Variants in GAS7 observed in about 807,000 individuals in gnomAD.
The protein encoded by GAS7 is growth arrest-specific protein 7.
GAS7 carries 28 observed loss-of-function variants against 71.1 expected under a neutral mutation model. The ratio of observed to expected loss-of-function variants is 0.39; its 90% CI spans 0.29 to 0.54. The LOEUF is 0.54. Among genes scored for constraint, GAS7 ranks in the 20% least tolerant of loss-of-function variants. The pLI, the probability that GAS7 is intolerant of heterozygous loss-of-function variation, is 0.62. For missense variants in GAS7, 436 were observed against 627.8 expected (o/e 0.69, Z 3.27); for synonymous variants, 258 against 245.8 (o/e 1.05, Z -0.46).
At chr17:9,970,137 G>A (rs993854590) in intron 3 of GAS7, among the ~76,000 whole-genome samples, 4 of 152,074 alleles carry the variant, frequency 2.6e-5, no homozygotes, top group South Asian at 2.1e-4. Flanking sequence ...GAGTCGGGGC[G>A]GGGGGCTCTC....
intron 1 of GAS7, among the ~76,000 whole-genome samples, chr17:10,188,191 C>T (rs973628209): frequency 2.0e-5 from 3 of 151,764 alleles, no homozygotes; most frequent in Admixed American, 6.6e-5. Flanking sequence ...TGCAGTGAGC[C>T]GAGATCGCGC....
At chr17:10,029,845 C>A (rs2072567026) in intron 1 of GAS7, among the ~76,000 whole-genome samples, 1 of 151,232 alleles carries the variant, frequency 6.6e-6, no homozygotes, top group Non-Finnish European at 1.5e-5. Context: ...GAGCGAGACT[C>A]CGTCTCAAAA....
chr17:10,081,665 T>C (rs1459911986), intron 1 of GAS7, among the ~76,000 whole-genome samples: 1 of 152,004 alleles, frequency 6.6e-6, no homozygotes, highest in Non-Finnish European at 1.5e-5. Flanking sequence ...AAATAAACAT[T>C]TGAAAACAGA....
In GAS7 at chr17:9,959,359, T is replaced by C; in HGVS notation, c.472-104A>G. The C allele has an allele frequency of 6.4e-7, 1 of 1,569,780 alleles. No individual in the cohort carries two copies. Reference sequence around the variant, plus strand: ...GGTGGAGGCGCTGGGGAATCAGGGATGCTCAGTCTGAATCCTAAGTCACCA... The same window carrying C: ...GGTGGAGGCGCTGGGGAATCAGGGACGCTCAGTCTGAATCCTAAGTCACCA... On this transcript the variant is annotated intron_variant, in intron 4 of 13. Coordinates refer to ENST00000432992, the MANE Select transcript of GAS7 (RefSeq NM_201433.2). This position sits in a 1 kb window ranked among gnomAD's most constrained non-coding sequence, Gnocchi z 5.0.
intron 1 of GAS7, among the ~76,000 whole-genome samples, chr17:10,047,521 A>C (rs1428786315): frequency 6.6e-6 from 1 of 152,190 alleles, no homozygotes; most frequent in South Asian, 2.1e-4. Flanking sequence ...ATGCATAAAG[A>C]GGGGAAATAT....
intron 1 of GAS7, among the ~76,000 whole-genome samples, chr17:10,164,213 C>A (rs917991365): frequency 6.6e-6 from 1 of 151,988 alleles, no homozygotes; most frequent in African/African-American, 2.4e-5. Flanking sequence ...GAGGCCGAGG[C>A]GGGCAGATCA....
At chr17:10,098,854 G>C (rs1286885209) in intron 1 of GAS7, among the ~76,000 whole-genome samples, 8 of 152,228 alleles carry the variant, frequency 5.3e-5, no homozygotes, top group Admixed American at 1.3e-4. Context: ...AGCTACTTGG[G>C]AGGCTGAGGC....
At chr17:9,996,434 G>C in intron 2 of GAS7, among the ~76,000 whole-genome samples, 1 of 135,448 alleles carries the variant, frequency 7.4e-6, no homozygotes, top group Non-Finnish European at 1.6e-5. Context: ...GGTGGGGGGA[G>C]GGGGCAGGGA....
At chr17:10,164,323 T>C (rs2074276983) in intron 1 of GAS7, among the ~76,000 whole-genome samples, 1 of 151,254 alleles carries the variant, frequency 6.6e-6, no homozygotes, top group Non-Finnish European at 1.5e-5. Context: ...GCGCTTGTAG[T>C]CCCAGCTACT....
intron 1 of GAS7, among the ~76,000 whole-genome samples, chr17:10,101,751 T>G (rs1034684187): frequency 6.6e-6 from 1 of 152,152 alleles, no homozygotes; most frequent in Non-Finnish European, 1.5e-5. Flanking sequence ...CTCCCTCTCA[T>G]TGGTTAAAGA....
At position 10,138,843 on chromosome 17, in the gene GAS7, A is replaced by G. The variant is rs555755643; in HGVS notation, c.183+59365T>C. 2.6e-5 allele frequency among the ~76,000 whole-genome samples: 4 copies of G among 152,334 alleles called. No individual in the cohort carries two copies. The South Asian group carries it at 6.2e-4, about 24-fold the overall frequency. ...TCGAGGTTTCCAGGTACTCTGTCCT[A>G]TGCTCTTTCCATCAAGTCACCTTGG... On this transcript the variant is annotated intron_variant, in intron 1 of 13. Coordinates refer to ENST00000432992, the MANE Select transcript of GAS7 (RefSeq NM_201433.2).
At chr17:9,943,354 C>A (rs775298710) in intron 6 of GAS7, 118 bp from the exon 7 acceptor site, 1 of 681,522 alleles carries the variant, frequency 1.5e-6, no homozygotes, top group African/African-American at 1.8e-5. Flanking sequence ...CAGCACAAGA[C>A]GCGGGAGCAG....
chr17:10,029,216 G>A (rs1336539358), intron 1 of GAS7, among the ~76,000 whole-genome samples: 1 of 152,206 alleles, frequency 6.6e-6, no homozygotes, highest in Non-Finnish European at 1.5e-5. Context: ...CATCTCCGGT[G>A]CATGATGGGG....
chr17:10,031,828 G>A (rs1304219439), intron 1 of GAS7, among the ~76,000 whole-genome samples: 2 of 152,240 alleles, frequency 1.3e-5, no homozygotes, highest in Non-Finnish European at 2.9e-5. Context: ...GGGGATCTGA[G>A]AGACGCCCAC....
At chr17:10,169,936 A>G (rs1319188665) in intron 1 of GAS7, among the ~76,000 whole-genome samples, 1 of 152,042 alleles carries the variant, frequency 6.6e-6, no homozygotes. Flanking sequence ...ATTTCAAACC[A>G]GCTCCTTCCT....
At chr17:10,099,560 A>G (rs1310770260) in intron 1 of GAS7, among the ~76,000 whole-genome samples, 2 of 152,160 alleles carry the variant, frequency 1.3e-5, no homozygotes, top group Non-Finnish European at 2.9e-5. Flanking sequence ...TTCTCCTCCA[A>G]TGTACTTTTT....
chr17:10,169,279 T>A (rs538188828), intron 1 of GAS7, among the ~76,000 whole-genome samples: 61 of 151,306 alleles, frequency 4.0e-4, no homozygotes, highest in African/African-American at 1.4e-3. Flanking sequence ...AAAAAAAAAT[T>A]AATTAATAAT....
intron 1 of GAS7, among the ~76,000 whole-genome samples, chr17:10,041,158 T>TAAAA (rs563870890): frequency 1.7e-5 from 2 of 116,782 alleles, no homozygotes; most frequent in Admixed American, 8.9e-5. Context: ...CAAGACTGCC[T>TAAAA]AAAAAAAAAA....
intron 3 of GAS7, among the ~76,000 whole-genome samples, chr17:9,978,916 C>T (rs1051580805): frequency 6.6e-6 from 1 of 152,094 alleles, no homozygotes; most frequent in African/African-American, 2.4e-5. Context: ...ACATTTAGGG[C>T]CAGGTGATTC....
Sources: gnomAD v4.1 joint callset for allele counts (sites outside exome capture counted in the v4.1 genomes callset) on GRCh38, gnomAD v4.1.1 for gene constraint, Gnocchi (gnomAD v3.1) non-coding constraint, MANE v1.5 for transcripts, NCBI Gene and HGNC (gene_info 2026-07-23, HGNC 2026-07-21) for gene names.